Variants in FAAH2 observed in about 807,000 individuals in gnomAD.
The protein encoded by FAAH2 is fatty-acid amide hydrolase 2.
FAAH2 carries 60 observed loss-of-function variants against 36.9 expected under a neutral mutation model. That is an observed-to-expected ratio of 1.63 (90% CI 1.32 to 2.02). The LOEUF is 2.02. FAAH2 is among the 30% of genes most tolerant of loss of function. FAAH2 has a pLI of 0.00. For missense variants in FAAH2, 689 were observed against 397.5 expected (o/e 1.73, Z -6.23); for synonymous variants, 214 against 143.8 (o/e 1.49, Z -3.49).
chrX:57,143,475 G>A, the FAAH2 span, among the ~76,000 whole-genome samples: 7 of 109,193 alleles, frequency 6.4e-5, no homozygotes, highest in South Asian at 1.6e-3. Flanking sequence ...AAAATTGCTC[G>A]TATTATTATT....
Position 57,339,215 on chromosome X carries a change from A to G in FAAH2, c.623-2056A>G, listed in dbSNP as rs1602329673. The stretch of plus-strand genomic sequence containing the variant: ...CTGGGAGAACTAGCTAGACATATGC[A>G]GAAAGTTGAAACTGGACCCTTTCTT... On this transcript the variant is annotated intron_variant, in intron 4 of 10. Coordinates refer to ENST00000374900, the MANE Select transcript of FAAH2 (RefSeq NM_174912.4). Among the ~76,000 whole-genome samples the G allele has an allele frequency of 2.7e-5, 3 of 112,532 alleles. No individual in the cohort carries two copies. In the East Asian group the frequency reaches 8.4e-4, roughly 31 times the overall value.
At chrX:57,280,090 G>C in the FAAH2 span, among the ~76,000 whole-genome samples, 1 of 111,775 alleles carries the variant, frequency 8.9e-6, no homozygotes, top group Admixed American at 9.5e-5. Flanking sequence ...CTAAATAATT[G>C]AGGGCTTATG....
At chrX:57,469,947 A>G (rs1159083595) in intron 10 of FAAH2, among the ~76,000 whole-genome samples, 1 of 111,469 alleles carries the variant, frequency 9.0e-6, no homozygotes, top group African/African-American at 3.3e-5. Context: ...TAATAAACTC[A>G]CTCAAAACCA....
chrX:57,376,412 G>A (rs1385955513), intron 5 of FAAH2, among the ~76,000 whole-genome samples: 2 of 110,720 alleles, frequency 1.8e-5, no homozygotes, highest in African/African-American at 6.6e-5. Context: ...CAGGCCCCCA[G>A]TGTGTGATAT....
At chrX:57,382,861 G>A (rs1279281656) in intron 7 of FAAH2, among the ~76,000 whole-genome samples, 1 of 111,417 alleles carries the variant, frequency 9.0e-6, no homozygotes, top group African/African-American at 3.3e-5. Context: ...AAGCCTGGCA[G>A]AGACACAACC....
chrX:57,191,648 T>A, the FAAH2 span, among the ~76,000 whole-genome samples: 1 of 112,068 alleles, frequency 8.9e-6, no homozygotes, highest in Non-Finnish European at 1.9e-5. Context: ...TAGTTCCTTT[T>A]GATTTGATTT....
chrX:57,323,207 T>C (rs200733542), intron 3 of FAAH2, among the ~76,000 whole-genome samples: 1 of 111,876 alleles, frequency 8.9e-6, no homozygotes, highest in African/African-American at 3.2e-5. Flanking sequence ...TGTATATGTG[T>C]CACATTTTCT....
At chrX:57,447,976 AT>A (rs2056713571) in intron 9 of FAAH2, among the ~76,000 whole-genome samples, 1 of 111,549 alleles carries the variant, frequency 9.0e-6, no homozygotes, top group Non-Finnish European at 1.9e-5. Flanking sequence ...CAGGCTGCAA[AT>A]TTTCCAAACG....
At chrX:57,325,624 C>T (rs1264686485) in intron 3 of FAAH2, among the ~76,000 whole-genome samples, 1 of 100,542 alleles carries the variant, frequency 9.9e-6, no homozygotes, top group Admixed American at 1.1e-4. Flanking sequence ...AGTTTATTTG[C>T]ATACAGGTGT....
At chrX:57,332,625 T>C (rs2053439750) in intron 4 of FAAH2, among the ~76,000 whole-genome samples, 1 of 111,212 alleles carries the variant, frequency 9.0e-6, no homozygotes, top group African/African-American at 3.3e-5. Context: ...TGGAGGTTCA[T>C]TGTGAAAAAG....
At chrX:57,279,945 C>T in the FAAH2 span, among the ~76,000 whole-genome samples, 1 of 111,936 alleles carries the variant, frequency 8.9e-6, no homozygotes, top group Non-Finnish European at 1.9e-5. Flanking sequence ...CATTGATTCC[C>T]TCTCTGACCA....
chrX:57,404,742 T>C (rs1425114823), intron 7 of FAAH2, among the ~76,000 whole-genome samples: 8 of 111,396 alleles, frequency 7.2e-5, no homozygotes, highest in African/African-American at 2.0e-4. Flanking sequence ...AGGAAGTAGA[T>C]TCAGAGGTAA....
At chrX:57,157,914 A>G in the FAAH2 span, among the ~76,000 whole-genome samples, 21 of 110,437 alleles carry the variant, frequency 1.9e-4, no homozygotes, top group African/African-American at 6.6e-4. Flanking sequence ...TTTGTTACAT[A>G]TTTATACAAG....
the FAAH2 span, among the ~76,000 whole-genome samples, chrX:57,143,489 A>G: frequency 9.1e-6 from 1 of 109,959 alleles, no homozygotes; most frequent in Non-Finnish European, 1.9e-5. Flanking sequence ...TATTATTATT[A>G]TTATTGAGAT....
chrX:57,162,961 T>C, the FAAH2 span, among the ~76,000 whole-genome samples: 5 of 112,575 alleles, frequency 4.4e-5, no homozygotes, highest in African/African-American at 6.5e-5. Context: ...TTCCAGTTTT[T>C]CTGTTCTGCT....
upstream of FAAH2, among the ~76,000 whole-genome samples, chrX:57,285,389 C>A (rs1239203273): frequency 1.8e-5 from 2 of 112,209 alleles, no homozygotes; most frequent in Non-Finnish European, 3.8e-5. Flanking sequence ...TCATCAAGCC[C>A]TATGTCAGGC....
At chrX:57,313,357 G>A (rs189143951) in intron 3 of FAAH2, among the ~76,000 whole-genome samples, 4 of 108,858 alleles carry the variant, frequency 3.7e-5, no homozygotes, top group Admixed American at 9.9e-5. Flanking sequence ...TCGGTGAAGA[G>A]GTTGACATGC....
At chrX:57,431,156 A>G (rs2056284310) in intron 7 of FAAH2, among the ~76,000 whole-genome samples, 1 of 111,698 alleles carries the variant, frequency 9.0e-6, no homozygotes, top group Non-Finnish European at 1.9e-5. Flanking sequence ...CCATACTTTT[A>G]ATATCCATTG....
intron 7 of FAAH2, among the ~76,000 whole-genome samples, chrX:57,425,758 C>T (rs1313716569): frequency 2.7e-5 from 3 of 111,090 alleles, no homozygotes; most frequent in Non-Finnish European, 3.8e-5. Context: ...CATAAGAGCA[C>T]ACAATAGTAT....
Sources: allele counts gnomAD v4.1 joint callset (sites outside exome capture counted in the v4.1 genomes callset), GRCh38; gene constraint gnomAD v4.1.1; transcripts MANE v1.5; gene names NCBI Gene and HGNC (gene_info 2026-07-23, HGNC 2026-07-21).